CLCN6: variants seen among roughly 807,000 people sequenced by gnomAD.
CLCN6 encodes the protein H(+)/Cl(-) exchange transporter 6.
Under a neutral mutation model 109.8 loss-of-function variants are expected in CLCN6, and 70 were observed. The observed-to-expected ratio is 0.64, with a 90% CI of 0.53 to 0.78. The LOEUF (loss-of-function observed/expected upper bound fraction) is 0.78, where lower values mean the gene tolerates loss of function less well. Among genes scored for constraint, CLCN6 ranks in the 30% least tolerant of loss-of-function variants. The pLI, the probability that CLCN6 is intolerant of heterozygous loss-of-function variation, is 0.00. For synonymous variants in CLCN6, 444 were observed against 447.8 expected (o/e 0.99, Z 0.11); for missense variants, 984 against 1,142.3 (o/e 0.86, Z 2.00).
In CLCN6 at chr1:11,837,033, G is replaced by C. The variant is rs143362803; in HGVS notation, c.2015G>C (p.Arg672Pro). 5 of 1,612,044 alleles carry C rather than the reference G, an allele frequency of 3.1e-6. No individual in the cohort carries two copies. Among genetic ancestry groups the C allele is most frequent in the Non-Finnish European group, 4.2e-6 (5 of 1,180,044 alleles). Residue 672 changes from arginine to proline, a missense_variant, in exon 19 of 23, where the codon CGC becomes CCC. Transcript: ENST00000346436. Reference protein sequence around the residue: ...SSILTRAGEQRKRSQSMKSYP... With the variant: ...SSILTRAGEQPKRSQSMKSYP... ...ATCCTCACCCGGGCTGGCGAGCAGC[G>C]CAAACGGAGCCAGTCCATGAAGTCC... is the stretch of plus-strand genomic sequence containing the variant.
intron 2 of CLCN6, among the ~76,000 whole-genome samples, chr1:11,812,655 A>G (rs1292908088): frequency 7.4e-6 from 1 of 135,900 alleles, no homozygotes; most frequent in African/African-American, 2.7e-5. Flanking sequence ...AAAAAAAGAC[A>G]AAGTATGTTT....
chr1:11,807,104 G>T, intron 1 of CLCN6, 27 bp from the exon 2 acceptor site: 1 of 1,609,410 alleles, frequency 6.2e-7, no homozygotes, highest in South Asian at 1.1e-5. Flanking sequence ...ACTAAAAAAG[G>T]CTCCCTCTGC....
intron 13 of CLCN6, among the ~76,000 whole-genome samples, chr1:11,832,336 A>G (rs1644892361): frequency 6.6e-6 from 1 of 152,258 alleles, no homozygotes; most frequent in Non-Finnish European, 1.5e-5. Context: ...TAGCAGACAC[A>G]CTGATTTCCA....
In CLCN6 at chr1:11,840,414, C is replaced by T. The variant is rs772234374; in HGVS notation, c.*191C>T. On this transcript the variant is annotated 3_prime_UTR_variant, in exon 23 of 23. Coordinates refer to ENST00000346436, the MANE Select transcript of CLCN6 (RefSeq NM_001286.5). ...TGGTTTTGAACCATCAGAGCTTGGA[C>T]TTTTCTGACTTCCCCAGCAAGGATC... 4.4e-5 allele frequency: 27 copies of T among 615,888 alleles called. No individual in the cohort carries two copies. Among genetic ancestry groups the T allele is most frequent in the Non-Finnish European group, 7.0e-5 (24 of 342,202 alleles). The allele number at this position is 615,888 out of a possible 1,614,324, so 38.2% of individuals were successfully genotyped here. A position where few individuals can be genotyped will look rare whatever the true frequency, so the allele number is the denominator to read the frequency against.
At position 11,842,516 on chromosome 1, in the gene CLCN6, A is replaced by G. The variant is rs1226177778; in HGVS notation, c.*2293A>G. ...ACCCTCGCTCCTTCCATTTCTGTCC[A>G]TTAGAAACCAGCCTTTTCAGCATCT... is the stretch of plus-strand genomic sequence containing the variant. On this transcript the variant is annotated 3_prime_UTR_variant, in exon 23 of 23. Transcript: ENST00000346436. The G allele has an allele frequency of 2.0e-5, 3 of 152,750 alleles. No homozygotes were observed. Among genetic ancestry groups the G allele is most frequent in the African/African-American group, 7.2e-5 (3 of 41,462 alleles). 9.5% of individuals were successfully genotyped at this position (152,750 alleles called of 1,614,324 possible).
rs766904126 is a variant in CLCN6 at position 11,829,340 on chromosome 1, G to T, written c.1248+18G>T. 2 of 1,613,638 alleles carry T rather than the reference G, an allele frequency of 1.2e-6. No individual in the cohort carries two copies. The highest frequency in any genetic ancestry group is 2.7e-5 in the African/African-American group (2 of 74,916). ...AGCTCCAGGTAACCCCAGTGCACCT[G>T]CTACCTTTATCCCATACCACGAGGA... On this transcript the variant is annotated intron_variant, in intron 13 of 22. Transcript: ENST00000346436.
Position 11,838,583 on chromosome 1 carries a change from A to C in CLCN6, c.2452A>C (p.Thr818Pro). The change falls in exon 22 of 23, where the codon ACC becomes CCC. Residue 818 changes from threonine to proline, a missense_variant. Physicochemically the swap from Thr to Pro is conservative, Grantham distance 38. Transcript: ENST00000346436. Reference protein sequence around the residue: ...NPSPFTVSPNTHVSQVFNLFR... With the variant: ...NPSPFTVSPNPHVSQVFNLFR... ...TTCGCCTTTCACCGTCTCGCCCAAC[A>C]CCCACGTCTCCCAAGTCTTCAACCT... 6.2e-7 allele frequency: 1 copy of C among 1,613,118 alleles called. No homozygotes were observed. The highest frequency in any genetic ancestry group is 2.2e-5 in the East Asian group (1 of 44,822).
rs1225234313 is a variant in CLCN6, at chr1:11,828,440, C to T, written c.955-18C>T. 3.7e-6 allele frequency: 6 copies of T among 1,613,802 alleles called. No homozygotes were observed. Among genetic ancestry groups the T allele is most frequent in the Middle Eastern group, 1.6e-4 (1 of 6,084 alleles). ...CTGCTATGGTTTTTCTCTCCCTCTC[C>T]CTTTCCCCTTCTCTCAGTGCTCTGA... On this transcript the variant is annotated intron_variant, in intron 11 of 22. Transcript: ENST00000346436.
intron 5 of CLCN6, among the ~76,000 whole-genome samples, chr1:11,821,031 G>A (rs1172071586): frequency 2.7e-5 from 4 of 147,390 alleles, no homozygotes; most frequent in African/African-American, 7.5e-5. Context: ...AGCCGAGATC[G>A]CGCCATTGCA....
chr1:11,822,676 C>T lies in CLCN6; in HGVS notation c.347-19C>T, dbSNP rs756186686. On this transcript the variant is annotated intron_variant, in intron 5 of 22. Coordinates refer to ENST00000346436, the MANE Select transcript of CLCN6 (RefSeq NM_001286.5). ...ACCCCTCGGCTGATGAACAAGTTTC[C>T]TTAACCCAGTTTCCGCAGCGGTGGA... is the stretch of plus-strand genomic sequence containing the variant. 6.5e-6 allele frequency: 10 copies of T among 1,546,720 alleles called. No individual in the cohort carries two copies. Among genetic ancestry groups the T allele is most frequent in the Non-Finnish European group, 8.0e-6 (9 of 1,119,338 alleles).
At chr1:11,829,137 A>G in intron 12 of CLCN6, 59 bp from the exon 13 acceptor site, 2 of 1,593,726 alleles carry the variant, frequency 1.3e-6, no homozygotes, top group Non-Finnish European at 1.7e-6. Context: ...TTATGTTTTG[A>G]ATTTCTGAGA....
At position 11,840,067 on chromosome 1, in the gene CLCN6, G is replaced by A; in HGVS notation, c.2530-76G>A. ...CTCCACATTCTGTGACAAACTAACA[G>A]GGCCGGCTCCTGTCACTCCTGTTCT... On this transcript the variant is annotated intron_variant, in intron 22 of 22. Coordinates refer to ENST00000346436, the MANE Select transcript of CLCN6 (RefSeq NM_001286.5). The A allele has an allele frequency of 2.5e-6, 3 of 1,209,070 alleles. No homozygotes were observed. The African/African-American group carries it at 4.5e-5, about 18-fold the overall frequency. The allele number at this position is 1,209,070 out of a possible 1,614,324, so 74.9% of individuals were successfully genotyped here. A position where few individuals can be genotyped will look rare whatever the true frequency, so the allele number is the denominator to read the frequency against.
intron 4 of CLCN6, among the ~76,000 whole-genome samples, chr1:11,817,646 C>T (rs1010480986): frequency 1.2e-4 from 19 of 152,280 alleles, no homozygotes; most frequent in Admixed American, 1.1e-3. Context: ...AATCTGATTC[C>T]GGTCAGTACA....
At chr1:11,839,160 A>G (rs1028383271) in intron 22 of CLCN6, 1 of 573,402 alleles carries the variant, frequency 1.7e-6, no homozygotes, top group Non-Finnish European at 3.1e-6. Context: ...ATACAAAAAC[A>G]CATATGAGCA....
chr1:11,809,243 C>T (rs567856395), intron 2 of CLCN6, among the ~76,000 whole-genome samples: 16 of 152,250 alleles, frequency 1.1e-4, no homozygotes, highest in Non-Finnish European at 2.9e-5. Flanking sequence ...CCATATTGTT[C>T]TGTCACCTTG....
At chr1:11,838,017 G>A (rs2100660299) in intron 20 of CLCN6, among the ~76,000 whole-genome samples, 1 of 152,280 alleles carries the variant, frequency 6.6e-6, no homozygotes, top group Middle Eastern at 3.4e-3. Flanking sequence ...TCTTTTGGTG[G>A]GGGGACACAT....
chr1:11,837,398 A>G lies in CLCN6; in HGVS notation c.2194A>G (p.Met732Val), dbSNP rs2100659146. 2.5e-6 allele frequency: 4 copies of G among 1,614,154 alleles called. No individual in the cohort carries two copies. Among genetic ancestry groups the G allele is most frequent in the Middle Eastern group, 1.6e-4 (1 of 6,062 alleles). ...PDQSPSEDWT[M>V]EERFRPLTFH... is the part of the protein sequence containing the mutation. ...CCAGTCCCCAAGTGAAGACTGGACC[A>G]TGGAGGAGCGGTTCCGCCCTCTGAC... Residue 732 changes from methionine (M) to valine (V), a missense_variant, in exon 20 of 23, where the codon ATG (methionine) becomes GTG (valine). Met to Val is a conservative substitution (Grantham distance 21, BLOSUM62 1). Coordinates refer to ENST00000346436, the MANE Select transcript of CLCN6 (RefSeq NM_001286.5).
chr1:11,840,533 C>T lies in CLCN6; in HGVS notation c.*310C>T, dbSNP rs551835314. On this transcript the variant is annotated 3_prime_UTR_variant, in exon 23 of 23. Transcript: ENST00000346436. ...AGCCAGAAGCAGAGGTAGAATCAGG[C>T]GGGCCCCGGGCTGCACTCCGAGCAG... The T allele has an allele frequency of 6.5e-4, 303 of 469,306 alleles. 1 individual carries two copies. The highest frequency in any genetic ancestry group is 1.0e-3 in the Non-Finnish European group (258 of 253,896). 29.1% of individuals were successfully genotyped at this position (469,306 alleles called of 1,614,324 possible).
In CLCN6 at chr1:11,828,100, C is replaced by A. The variant is rs150459389; in HGVS notation, c.841-6C>A. ...ACCTTCTTGTCTTTTGTCACCTCTC[C>A]CCTAGCTCTTTTGTTCCATGTCTGC... On this transcript the variant is annotated splice_polypyrimidine_tract_variant and splice_region_variant and intron_variant, in intron 10 of 22. Transcript: ENST00000346436. 54 of 1,608,792 alleles carry A rather than the reference C, an allele frequency of 3.4e-5. No individual in the cohort carries two copies. The African/African-American group carries it at 6.7e-4, about 20-fold the overall frequency.
Sources: gnomAD v4.1 joint callset for allele counts (sites outside exome capture counted in the v4.1 genomes callset) on GRCh38, gnomAD v4.1.1 for gene constraint, MANE v1.5 for transcripts, NCBI Gene and HGNC (gene_info 2026-07-23, HGNC 2026-07-21) for gene names.